Variants in ELP6 observed in about 807,000 individuals in gnomAD.
ELP6 encodes the protein elongator acetyltransferase complex subunit 6, also known as elongator complex protein 6.
A neutral mutation model predicts 28.1 loss-of-function variants in ELP6; 23 were observed. The ratio of observed to expected loss-of-function variants is 0.82; its 90% CI spans 0.59 to 1.16. The LOEUF (loss-of-function observed/expected upper bound fraction) is 1.16. Ranked by LOEUF, ELP6 falls within the 50% of genes most tolerant of loss-of-function variation. The pLI is 0.00. For missense variants in ELP6, 313 were observed against 334.6 expected (o/e 0.94, Z 0.50); for synonymous variants, 132 against 135.8 (o/e 0.97, Z 0.19).
intron 6 of ELP6, chr3:47,497,939 A>AT: frequency 1.0e-6 from 1 of 984,864 alleles, no homozygotes; most frequent in Non-Finnish European, 1.2e-6. Context: ...TAAAAAAAAA[A>AT]GGAACAGTGT....
At chr3:47,512,990 ACT>A in intron 1 of ELP6, 1 of 947,044 alleles carries the variant, frequency 1.1e-6, no homozygotes. Context: ...CTTCCCAGGT[ACT>A]TTTTTTTTTT....
At chr3:47,496,449 CAG>C (rs1484443243) in intron 6 of ELP6, 2 of 982,874 alleles carry the variant, frequency 2.0e-6, no homozygotes, top group Non-Finnish European at 2.4e-6. Flanking sequence ...AAAAAGGAAA[CAG>C]AAGGAAAAAG....
chr3:47,496,368 C>G (rs1365215109), intron 6 of ELP6, 171 bp from the exon 7 acceptor site: 2 of 984,796 alleles, frequency 2.0e-6, no homozygotes, highest in East Asian at 2.3e-4. Flanking sequence ...CACCAGCTAA[C>G]TACAAATAAA....
At chr3:47,501,942 G>A (rs1287706850) in intron 4 of ELP6, 91 bp from the exon 5 acceptor site, 1 of 1,194,172 alleles carries the variant, frequency 8.4e-7, no homozygotes, top group Non-Finnish European at 1.2e-6. Flanking sequence ...GGCTAAGGGG[G>A]ACAAAGAACT....
At chr3:47,504,308 G>C (rs191828889) in intron 4 of ELP6, 22 bp downstream of exon 4, 169 of 1,578,556 alleles carry the variant, frequency 1.1e-4, no homozygotes, top group Non-Finnish European at 1.4e-4. Context: ...TTGCTTCCGG[G>C]CTGGGCTGTA....
intron 3 of ELP6, chr3:47,504,690 A>C (rs1708774942): frequency 1.0e-6 from 1 of 973,890 alleles, no homozygotes; most frequent in African/African-American, 1.8e-5. Context: ...GCATGGTGGC[A>C]CATGCCTGGA....
intron 4 of ELP6, chr3:47,502,287 G>GT (rs1221249503): frequency 2.3e-6 from 1 of 434,824 alleles, no homozygotes; most frequent in African/African-American, 2.1e-5. Context: ...GCGCACACCT[G>GT]TAATACCAGC....
At chr3:47,509,763 C>T (rs536045478) in intron 3 of ELP6, among the ~76,000 whole-genome samples, 6 of 152,024 alleles carry the variant, frequency 3.9e-5, no homozygotes, top group Admixed American at 1.3e-4. Flanking sequence ...GGTTCAGGAT[C>T]CCAAGATTTC....
intron 3 of ELP6, among the ~76,000 whole-genome samples, chr3:47,506,397 A>G (rs1338745580): frequency 6.6e-6 from 1 of 152,130 alleles, no homozygotes; most frequent in Non-Finnish European, 1.5e-5. Flanking sequence ...CCTCTTCCTA[A>G]TAAGCCTGGG....
At chr3:47,512,832 T>C (rs115562604) in intron 1 of ELP6, 2 of 973,756 alleles carry the variant, frequency 2.1e-6, no homozygotes, top group African/African-American at 1.8e-5. Flanking sequence ...AGCTCGCCCA[T>C]GAAGACGGCG....
At chr3:47,503,429 G>A in intron 4 of ELP6, 2 of 1,289,582 alleles carry the variant, frequency 1.6e-6, no homozygotes, top group Non-Finnish European at 2.0e-6. Context: ...CAAACCAGGG[G>A]AAAAATTTTT....
intron 3 of ELP6, among the ~76,000 whole-genome samples, chr3:47,507,943 G>C (rs1019782739): frequency 6.7e-5 from 6 of 90,176 alleles, no homozygotes; most frequent in Non-Finnish European, 1.6e-4. Flanking sequence ...AAAGGTAAAA[G>C]AAAAAGTAGC....
intron 3 of ELP6, among the ~76,000 whole-genome samples, chr3:47,509,648 G>T (rs1020894160): frequency 1.3e-5 from 2 of 152,208 alleles, no homozygotes; most frequent in African/African-American, 4.8e-5. Flanking sequence ...GGTCCAGAAT[G>T]AGTAGAGAAA....
In ELP6 at chr3:47,513,597, C is replaced by G. The variant is rs779784102; in HGVS notation, c.-7G>C. The G allele has an allele frequency of 6.2e-7, 1 of 1,613,370 alleles. No individual in the cohort carries two copies. The highest frequency in any genetic ancestry group is 1.1e-5 in the South Asian group (1 of 90,948). ...TATTAAGTTCCACGAACATTCCGAGCTCCTGGGACTAGCGCTCTGGAGGAG... is the reference window on the plus strand; with the variant it reads ...TATTAAGTTCCACGAACATTCCGAGGTCCTGGGACTAGCGCTCTGGAGGAG... On this transcript the variant is annotated 5_prime_UTR_variant, in exon 1 of 7. Coordinates refer to ENST00000296149, the MANE Select transcript of ELP6 (RefSeq NM_001031703.3).
Position 47,499,485 on chromosome 3 carries a change from C to T in ELP6, c.526-1053G>A, listed in dbSNP as rs1248069478. 6.7e-5 allele frequency among the ~76,000 whole-genome samples: 10 copies of T among 149,052 alleles called. 1 individual carries two copies. The East Asian group carries it at 2.0e-3, about 30-fold the overall frequency. ...AGTGAGCCGAGATCGTGCCACTGCA[C>T]TCCAGCCTGGGCAAAAGAGCAAGAG... is the stretch of plus-strand genomic sequence containing the variant. On this transcript the variant is annotated intron_variant, in intron 5 of 6. Transcript: ENST00000296149.
intron 3 of ELP6, among the ~76,000 whole-genome samples, chr3:47,505,742 T>C (rs1708815010): frequency 6.6e-6 from 1 of 152,166 alleles, no homozygotes; most frequent in Non-Finnish European, 1.5e-5. Flanking sequence ...CAGCTAATTT[T>C]TGTATTTTTA....
intron 6 of ELP6, among the ~76,000 whole-genome samples, chr3:47,497,735 C>T (rs902123345): frequency 6.6e-6 from 1 of 151,890 alleles, no homozygotes; most frequent in Non-Finnish European, 1.5e-5. Flanking sequence ...TCAAGACCAG[C>T]CTGGCCAACA....
At chr3:47,513,393 G>T in intron 1 of ELP6, 144 bp downstream of exon 1, 2 of 1,441,552 alleles carry the variant, frequency 1.4e-6, no homozygotes, top group Non-Finnish European at 1.8e-6. Flanking sequence ...CAATCCCCGG[G>T]TCGATCCTCT....
At chr3:47,510,573 G>A (rs1708985579) in intron 2 of ELP6, among the ~76,000 whole-genome samples, 2 of 152,108 alleles carry the variant, frequency 1.3e-5, no homozygotes, top group Non-Finnish European at 2.9e-5. Flanking sequence ...GGCCTCAAGT[G>A]ATCTGACCAC....
Sources: allele counts gnomAD v4.1 joint callset (sites outside exome capture counted in the v4.1 genomes callset), GRCh38; gene constraint gnomAD v4.1.1; transcripts MANE v1.5; gene names NCBI Gene and HGNC (gene_info 2026-07-23, HGNC 2026-07-21).